FOXP2: variants seen among roughly 807,000 people sequenced by gnomAD.
FOXP2 encodes the protein forkhead box P2.
In FOXP2, 12 loss-of-function variants were observed where a neutral mutation model predicts 115.8. The observed-to-expected ratio is 0.10, with a 90% CI of 0.07 to 0.17. The LOEUF is 0.17. FOXP2 is among the 10% of genes least tolerant of loss of function. The pLI, the probability that FOXP2 is intolerant of heterozygous loss-of-function variation, is 1.00. For synonymous variants in FOXP2, 328 were observed against 297.7 expected, an observed-to-expected ratio of 1.10 and a Z score of -1.05; for missense variants, 629 against 843.5, an observed-to-expected ratio of 0.75 and a Z score of 3.15.
At chr7:114,655,429 A>C (rs1806530371) in intron 10 of FOXP2, among the ~76,000 whole-genome samples, 1 of 152,176 alleles carries the variant, frequency 6.6e-6, no homozygotes, top group Non-Finnish European at 1.5e-5. Flanking sequence ...ACATGAAAGA[A>C]TTGCTAATTG....
At chr7:114,353,297 C>CTCTTCTGT (rs1228296245) in intron 2 of FOXP2, among the ~76,000 whole-genome samples, 1 of 149,208 alleles carries the variant, frequency 6.7e-6, no homozygotes, top group Non-Finnish European at 1.5e-5. Context: ...CGATAGCCCC[C>CTCTTCTGT]TCTTCTGTTG....
chr7:114,118,933 T>G (rs552515255), intron 1 of FOXP2, among the ~76,000 whole-genome samples: 1 of 152,032 alleles, frequency 6.6e-6, no homozygotes, highest in African/African-American at 2.4e-5. Flanking sequence ...TATACAAAGG[T>G]TGGAAATGAA....
chr7:114,253,572 T>C (rs1795513960), intron 1 of FOXP2, among the ~76,000 whole-genome samples: 1 of 152,204 alleles, frequency 6.6e-6, no homozygotes, highest in Non-Finnish European at 1.5e-5. Flanking sequence ...CTTTTGATCT[T>C]TGTTGGTTTA....
chr7:114,111,148 G>T (rs1285145688), intron 1 of FOXP2, among the ~76,000 whole-genome samples: 2 of 152,112 alleles, frequency 1.3e-5, no homozygotes, highest in African/African-American at 4.8e-5. Flanking sequence ...CAGTATCCAG[G>T]TTCTCATGAA....
chr7:114,452,166 C>A (rs551431116), intron 2 of FOXP2, among the ~76,000 whole-genome samples: 5 of 151,988 alleles, frequency 3.3e-5, no homozygotes, highest in Admixed American at 3.3e-4. Context: ...GGCAGTGAGC[C>A]TTTGTGATAT....
intron 3 of FOXP2, among the ~76,000 whole-genome samples, chr7:114,618,548 G>T (rs573252802): frequency 2.8e-4 from 42 of 152,210 alleles, no homozygotes; most frequent in African/African-American, 9.6e-4. Context: ...CTCAGACAAG[G>T]TTTGCCTGCT....
chr7:114,552,456 G>T (rs1398774076), intron 3 of FOXP2, among the ~76,000 whole-genome samples: 1 of 152,070 alleles, frequency 6.6e-6, no homozygotes, highest in African/African-American at 2.4e-5. Context: ...TAGTAAAAGA[G>T]TATACCTTCT....
At chr7:114,556,957 T>A (rs1416779668) in intron 3 of FOXP2, among the ~76,000 whole-genome samples, 3 of 152,222 alleles carry the variant, frequency 2.0e-5, no homozygotes, top group South Asian at 2.1e-4. Flanking sequence ...ATATAATACA[T>A]CTACTCTGTT....
At chr7:114,689,406 A>C (rs762293504) in intron 16 of FOXP2, among the ~76,000 whole-genome samples, 2 of 152,152 alleles carry the variant, frequency 1.3e-5, no homozygotes, top group African/African-American at 2.4e-5. Flanking sequence ...CTAGCAAAAA[A>C]CTGAATGGTA....
At chr7:114,634,741 A>G (rs1052077870) in intron 6 of FOXP2, among the ~76,000 whole-genome samples, 2 of 152,110 alleles carry the variant, frequency 1.3e-5, no homozygotes, top group East Asian at 3.8e-4. Context: ...AACATAGTTT[A>G]TATATTATCT....
chr7:114,424,199 A>T (rs1202933522), intron 1 of FOXP2, among the ~76,000 whole-genome samples: 1 of 151,346 alleles, frequency 6.6e-6, no homozygotes, highest in East Asian at 1.9e-4. Flanking sequence ...TAATTATTTG[A>T]TGGCCTTGAT....
chr7:114,249,383 G>A (rs1427365422), intron 1 of FOXP2, among the ~76,000 whole-genome samples: 1 of 151,608 alleles, frequency 6.6e-6, no homozygotes. Flanking sequence ...CCCCCCAGTA[G>A]GCCCCAATGT....
At chr7:114,595,291 A>G (rs1333006013) in intron 3 of FOXP2, among the ~76,000 whole-genome samples, 1 of 151,982 alleles carries the variant, frequency 6.6e-6, no homozygotes, top group African/African-American at 2.4e-5. Flanking sequence ...ACATATCTAC[A>G]TTAATTTTCC....
At chr7:114,394,651 C>G (rs755399575) in intron 2 of FOXP2, among the ~76,000 whole-genome samples, 1 of 152,094 alleles carries the variant, frequency 6.6e-6, no homozygotes, top group Non-Finnish European at 1.5e-5. Flanking sequence ...ATGAGAAAAA[C>G]GAGCATCACC....
rs541130619 is a variant in FOXP2, at chr7:114,229,915, C to A, written c.-101-58104C>A. On this transcript the variant is annotated intron_variant, in intron 1 of 17. Transcript: ENST00000634411. Reference sequence around the variant, plus strand: ...AGGTTACAGCAGAAATAAATAGAGACCCTAGAAAAGCAATTTAAAAAAATC... The same window carrying A: ...AGGTTACAGCAGAAATAAATAGAGAACCTAGAAAAGCAATTTAAAAAAATC... Among the ~76,000 whole-genome samples the A allele has an allele frequency of 2.0e-5, 3 of 151,216 alleles. No homozygotes were observed. In the East Asian group the frequency reaches 5.8e-4, roughly 29 times the overall value.
At chr7:114,220,762 T>A (rs892419374) in intron 1 of FOXP2, among the ~76,000 whole-genome samples, 5 of 152,214 alleles carry the variant, frequency 3.3e-5, no homozygotes, top group Non-Finnish European at 7.4e-5. Context: ...TGTTAAATAC[T>A]CACTTTAATT....
chr7:114,672,011 G>T (rs562509108), intron 16 of FOXP2, among the ~76,000 whole-genome samples: 1 of 152,024 alleles, frequency 6.6e-6, no homozygotes, highest in East Asian at 1.9e-4. Flanking sequence ...TCTATCATTA[G>T]AATAGCATTA....
At chr7:114,665,121 T>A (rs1422743345) in intron 16 of FOXP2, 1 of 152,234 alleles carries the variant, frequency 6.6e-6, no homozygotes, top group Admixed American at 6.6e-5. Context: ...GTAGAAGTAT[T>A]AAAAATTGAT....
At chr7:114,250,569 T>G (rs970343559) in intron 1 of FOXP2, among the ~76,000 whole-genome samples, 1 of 152,258 alleles carries the variant, frequency 6.6e-6, no homozygotes, top group Non-Finnish European at 1.5e-5. Flanking sequence ...TTTTTTCATG[T>G]GTCTGTTGCC....
Sources: gnomAD v4.1 joint callset for allele counts (sites outside exome capture counted in the v4.1 genomes callset) on GRCh38, gnomAD v4.1.1 for gene constraint, MANE v1.5 for transcripts, NCBI Gene and HGNC (gene_info 2026-07-23, HGNC 2026-07-21) for gene names.